Variants in ATRNL1 observed in about 807,000 individuals in gnomAD.
The protein encoded by ATRNL1 is attractin-like protein 1.
Under a neutral mutation model 182.7 loss-of-function variants are expected in ATRNL1, and 95 were observed. The ratio of observed to expected loss-of-function variants is 0.52; its 90% CI spans 0.44 to 0.62. The LOEUF (loss-of-function observed/expected upper bound fraction) is 0.62. Among genes scored for constraint, ATRNL1 ranks in the 20% least tolerant of loss-of-function variants. The pLI, the probability that ATRNL1 is intolerant of heterozygous loss-of-function variation, is 0.00. For synonymous variants in ATRNL1, 576 were observed against 568.3 expected, an observed-to-expected ratio of 1.01 and a Z score of -0.19; for missense variants, 1,471 against 1,679.5, an observed-to-expected ratio of 0.88 and a Z score of 2.17.
At chr10:115,135,547 A>G (rs1554876422) in intron 5 of ATRNL1, among the ~76,000 whole-genome samples, 1 of 152,214 alleles carries the variant, frequency 6.6e-6, no homozygotes, top group Non-Finnish European at 1.5e-5. Context: ...GATACAAACA[A>G]ATGGAAGAAC....
intron 26 of ATRNL1, among the ~76,000 whole-genome samples, chr10:115,641,422 C>A (rs780241258): frequency 6.6e-6 from 1 of 152,156 alleles, no homozygotes; most frequent in Admixed American, 6.5e-5. Context: ...AAAGAAGTCA[C>A]ACATTGCCCT....
intron 24 of ATRNL1, among the ~76,000 whole-genome samples, chr10:115,513,961 T>G (rs914749786): frequency 1.3e-5 from 2 of 151,974 alleles, no homozygotes; most frequent in Admixed American, 6.6e-5. Flanking sequence ...TTTTAACAGA[T>G]TTGTTACTCT....
intron 25 of ATRNL1, among the ~76,000 whole-genome samples, chr10:115,538,137 T>C (rs1852147103): frequency 6.6e-6 from 1 of 152,254 alleles, no homozygotes; most frequent in South Asian, 2.1e-4. Context: ...TTTTGGTACT[T>C]ATAAATAATG....
At chr10:115,932,241 A>C (rs561262949) in intron 28 of ATRNL1, among the ~76,000 whole-genome samples, 1 of 152,344 alleles carries the variant, frequency 6.6e-6, no homozygotes, top group South Asian at 2.1e-4. Flanking sequence ...CGACTTTCCA[A>C]AAGTCCCTGT....
intron 26 of ATRNL1, among the ~76,000 whole-genome samples, chr10:115,710,236 G>A (rs10430686): frequency 0.38 from 57,289 of 151,876 alleles, 11,732 homozygotes; most frequent in East Asian, 0.64. Flanking sequence ...CTTTGTTTAT[G>A]TGATAGTCCT....
chr10:115,704,046 ACAGT>A (rs1432733480), intron 26 of ATRNL1, among the ~76,000 whole-genome samples: 19 of 152,130 alleles, frequency 1.2e-4, no homozygotes, highest in African/African-American at 4.1e-4. Flanking sequence ...TTTATTAAAG[ACAGT>A]CAGTTTTCAC....
chr10:115,317,018 G>T lies in ATRNL1; in HGVS notation c.3037+1282G>T, dbSNP rs140371358. ...CCTATGTCCTAAATGTTATTGCCTAGGTTTTCTTCTAGGGTTTTTTATGGT... is the reference window on the plus strand; with the variant it reads ...CCTATGTCCTAAATGTTATTGCCTATGTTTTCTTCTAGGGTTTTTTATGGT... On this transcript the variant is annotated intron_variant, in intron 18 of 28. Transcript: ENST00000355044. Among the ~76,000 whole-genome samples the T allele has an allele frequency of 1.8e-3, 269 of 152,160 alleles. 1 individual carries two copies. The highest frequency in any genetic ancestry group is 6.2e-3 in the African/African-American group (257 of 41,492).
intron 26 of ATRNL1, among the ~76,000 whole-genome samples, chr10:115,681,573 G>C (rs1555044775): frequency 6.6e-6 from 1 of 152,094 alleles, no homozygotes; most frequent in African/African-American, 2.4e-5. Flanking sequence ...CCGTTTGATA[G>C]AAGGTTGTGT....
chr10:115,420,126 C>T (rs1554961672), intron 20 of ATRNL1, among the ~76,000 whole-genome samples: 1 of 150,908 alleles, frequency 6.6e-6, no homozygotes, highest in East Asian at 1.9e-4. Flanking sequence ...TTAGTGCAAC[C>T]TCCGCCTCCC....
At chr10:115,581,810 T>G (rs530323834) in intron 26 of ATRNL1, among the ~76,000 whole-genome samples, 43 of 151,546 alleles carry the variant, frequency 2.8e-4, no homozygotes, top group Admixed American at 2.4e-3. Context: ...TAGTTACATA[T>G]GTATACATGT....
chr10:115,493,611 ATTCCT>A (rs1203664267), intron 24 of ATRNL1, among the ~76,000 whole-genome samples: 2 of 152,170 alleles, frequency 1.3e-5, no homozygotes, highest in Admixed American at 1.3e-4. Flanking sequence ...AACGATTTAT[ATTCCT>A]TTGGGTACAT....
intron 20 of ATRNL1, among the ~76,000 whole-genome samples, chr10:115,413,917 A>G (rs1435045000): frequency 6.6e-6 from 1 of 152,070 alleles, no homozygotes; most frequent in Non-Finnish European, 1.5e-5. Flanking sequence ...ATTTATGTGC[A>G]CATATAAATA....
chr10:115,829,510 C>CA (rs5788115), intron 27 of ATRNL1, among the ~76,000 whole-genome samples: 50 of 138,564 alleles, frequency 3.6e-4, no homozygotes, highest in Non-Finnish European at 4.4e-4. Context: ...TTTTCTTTTT[C>CA]AAAAAAAAAA....
chr10:115,813,421 A>G (rs973175382), intron 27 of ATRNL1, among the ~76,000 whole-genome samples: 23 of 152,172 alleles, frequency 1.5e-4, no homozygotes, highest in Admixed American at 1.5e-3. Context: ...CTGAAAAAGC[A>G]TGTCCATAAG....
At chr10:115,610,036 A>G (rs1324955446) in intron 26 of ATRNL1, among the ~76,000 whole-genome samples, 1 of 152,210 alleles carries the variant, frequency 6.6e-6, no homozygotes, top group South Asian at 2.1e-4. Context: ...ATTATGCTAT[A>G]TTCTATGCTG....
intron 26 of ATRNL1, among the ~76,000 whole-genome samples, chr10:115,621,502 A>G (rs1185713702): frequency 1.3e-5 from 2 of 151,902 alleles, no homozygotes; most frequent in Admixed American, 6.6e-5. Flanking sequence ...GGGTTTTGTC[A>G]TATTGCCCAG....
chr10:115,114,626 CAT>C (rs782445144), intron 1 of ATRNL1, among the ~76,000 whole-genome samples: 37 of 152,158 alleles, frequency 2.4e-4, no homozygotes, highest in Middle Eastern at 3.4e-3. Flanking sequence ...AAGGTCAAAA[CAT>C]ATATGAAAAC....
intron 16 of ATRNL1, among the ~76,000 whole-genome samples, chr10:115,300,521 T>A (rs1301574385): frequency 1.3e-5 from 2 of 152,136 alleles, no homozygotes; most frequent in African/African-American, 4.8e-5. Context: ...CATTAATGTC[T>A]TTTACTTTTA....
chr10:115,350,350 A>C (rs1354805310), intron 19 of ATRNL1, among the ~76,000 whole-genome samples: 25 of 149,942 alleles, frequency 1.7e-4, no homozygotes, highest in South Asian at 1.1e-3. Context: ...AAAAAAGAAA[A>C]AAAAAAAAAA....
Sources: gnomAD v4.1 joint callset for allele counts (sites outside exome capture counted in the v4.1 genomes callset) on GRCh38, gnomAD v4.1.1 for gene constraint, MANE v1.5 for transcripts, NCBI Gene and HGNC (gene_info 2026-07-23, HGNC 2026-07-21) for gene names.